The following PCDH15 variants were observed in gnomAD, a reference collection of about 807,000 sequenced individuals.
PCDH15 encodes protocadherin related 15, also known as protocadherin-15.
Under a neutral mutation model 178.5 loss-of-function variants are expected in PCDH15, and 129 were observed. The ratio of observed to expected loss-of-function variants is 0.72; its 90% CI spans 0.63 to 0.84. The LOEUF (loss-of-function observed/expected upper bound fraction) is 0.84, where lower values mean the gene tolerates loss of function less well. Among genes scored for constraint, PCDH15 ranks in the 40% least tolerant of loss-of-function variants. The probability of loss-of-function intolerance (pLI) is 0.00; values close to 1 mark genes in which losing one functional copy is unlikely to be tolerated. For synonymous variants in PCDH15, 800 were observed against 732.0 expected (o/e 1.09, Z -1.50); for missense variants, 2,230 against 2,099.9 (o/e 1.06, Z -1.21).
At chr10:54,554,108 T>C (rs994432147) in intron 2 of PCDH15, among the ~76,000 whole-genome samples, 3 of 152,150 alleles carry the variant, frequency 2.0e-5, no homozygotes, top group African/African-American at 4.8e-5. Flanking sequence ...AAAATTCCTA[T>C]TACAATGTGA....
Position 55,376,790 on chromosome 10 carries a change from G to T in PCDH15, c.-155-210139C>A, listed in dbSNP as rs533785173. Reference sequence around the variant, plus strand: ...TAACTCTGAAATATGTAGATCCTTTGTGAAAATGGTTTAACTATTTCAGAT... The same window carrying T: ...TAACTCTGAAATATGTAGATCCTTTTTGAAAATGGTTTAACTATTTCAGAT... On this transcript the variant is annotated intron_variant, in intron 2 of 5. Coordinates refer to the PCDH15 transcript ENST00000613346. Among the ~76,000 whole-genome samples, 37 of 152,024 alleles carry T rather than the reference G, an allele frequency of 2.4e-4. 1 individual carries two copies. The highest frequency in any genetic ancestry group is 8.4e-4 in the African/African-American group (35 of 41,502).
chr10:54,049,756 C>A (rs1447155251), intron 18 of PCDH15, among the ~76,000 whole-genome samples: 2 of 151,726 alleles, frequency 1.3e-5, no homozygotes, highest in Non-Finnish European at 2.9e-5. Flanking sequence ...AAGTAGCTTG[C>A]ACTACAAGCA....
At chr10:54,953,368 T>C (rs1343951086) in intron 2 of PCDH15, among the ~76,000 whole-genome samples, 1 of 151,458 alleles carries the variant, frequency 6.6e-6, no homozygotes, top group African/African-American at 2.4e-5. Context: ...ATGAAATAAA[T>C]CCCACTTTGC....
chr10:54,318,830 CTT>C (rs957552988), intron 7 of PCDH15, among the ~76,000 whole-genome samples: 1 of 152,158 alleles, frequency 6.6e-6, no homozygotes, highest in Non-Finnish European at 1.5e-5. Flanking sequence ...ATTAATATGA[CTT>C]ATCACTGTTG....
chr10:54,456,172 A>G (rs2076808295), intron 3 of PCDH15, among the ~76,000 whole-genome samples: 1 of 152,094 alleles, frequency 6.6e-6, no homozygotes. Context: ...AGACCCCACA[A>G]TGGTAGATCC....
chr10:55,412,272 T>A (rs1444367730), intron 2 of PCDH15, among the ~76,000 whole-genome samples: 1 of 152,032 alleles, frequency 6.6e-6, no homozygotes, highest in South Asian at 2.1e-4. Flanking sequence ...AATTAATAAT[T>A]TTTTAGAAAT....
At chr10:54,354,478 G>A (rs1056395902) in intron 5 of PCDH15, among the ~76,000 whole-genome samples, 1 of 152,062 alleles carries the variant, frequency 6.6e-6, no homozygotes, top group African/African-American at 2.4e-5. Flanking sequence ...CCCATCCTAT[G>A]GAAGAGAAAA....
intron 3 of PCDH15, among the ~76,000 whole-genome samples, chr10:54,521,417 A>G (rs180847184): frequency 1.3e-5 from 2 of 152,308 alleles, no homozygotes; most frequent in Admixed American, 1.3e-4. Context: ...CCGAAGTATT[A>G]AGATAAAACC....
At chr10:54,172,365 C>T (rs552377269) in intron 13 of PCDH15, among the ~76,000 whole-genome samples, 21 of 152,104 alleles carry the variant, frequency 1.4e-4, no homozygotes, top group African/African-American at 4.8e-4. Flanking sequence ...CTTTACCTAC[C>T]CAAATCCTAT....
intron 2 of PCDH15, among the ~76,000 whole-genome samples, chr10:54,570,409 C>T (rs2089646716): frequency 6.6e-6 from 1 of 152,048 alleles, no homozygotes; most frequent in Non-Finnish European, 1.5e-5. Flanking sequence ...CTTTTGCTTA[C>T]TCATTTTTAA....
intron 27 of PCDH15, among the ~76,000 whole-genome samples, chr10:53,860,778 A>T (rs1589134247): frequency 6.6e-6 from 1 of 151,708 alleles, no homozygotes; most frequent in Non-Finnish European, 1.5e-5. Flanking sequence ...TGACTGAAAT[A>T]GTAGGAGCTA....
chr10:55,479,560 T>C (rs993524119), intron 2 of PCDH15, among the ~76,000 whole-genome samples: 6 of 151,644 alleles, frequency 4.0e-5, no homozygotes, highest in African/African-American at 1.5e-4. Context: ...ACTAACATTA[T>C]ACCGAATGAG....
chr10:54,720,419 C>T (rs1168850574), intron 1 of PCDH15, among the ~76,000 whole-genome samples: 2 of 151,792 alleles, frequency 1.3e-5, no homozygotes, highest in African/African-American at 4.8e-5. Context: ...AGAGAAGCAT[C>T]TAATCACCTA....
intron 17 of PCDH15, among the ~76,000 whole-genome samples, chr10:54,071,934 A>G (rs1424321020): frequency 1.3e-5 from 2 of 152,274 alleles, no homozygotes; most frequent in East Asian, 3.9e-4. Context: ...GTTTACTAAT[A>G]GAACACACAA....
intron 1 of PCDH15, among the ~76,000 whole-genome samples, chr10:55,194,606 T>G (rs2132150394): frequency 6.6e-6 from 1 of 152,188 alleles, no homozygotes; most frequent in Admixed American, 6.5e-5. Context: ...TCAAGTAGAT[T>G]ATCATTTTAT....
intron 15 of PCDH15, among the ~76,000 whole-genome samples, chr10:54,118,927 G>C (rs2095166416): frequency 6.6e-6 from 1 of 152,058 alleles, no homozygotes; most frequent in Non-Finnish European, 1.5e-5. Context: ...AGATCCTGGA[G>C]AGGAAAACAC....
intron 3 of PCDH15, among the ~76,000 whole-genome samples, chr10:54,896,264 T>C (rs1954544035): frequency 6.6e-6 from 1 of 152,198 alleles, no homozygotes; most frequent in Admixed American, 6.6e-5. Flanking sequence ...TATTTTACTA[T>C]AGTCAATTAG....
At chr10:55,543,281 T>C (rs1162216030) in intron 2 of PCDH15, among the ~76,000 whole-genome samples, 2 of 149,410 alleles carry the variant, frequency 1.3e-5, no homozygotes, top group African/African-American at 2.5e-5. Flanking sequence ...CACAAATTCA[T>C]GCTTAGTAAA....
At chr10:54,055,638 A>C (rs1307210920) in intron 18 of PCDH15, among the ~76,000 whole-genome samples, 1 of 152,174 alleles carries the variant, frequency 6.6e-6, no homozygotes, top group Non-Finnish European at 1.5e-5. Context: ...CTCTGATATT[A>C]GCTGAAAGCC....
Sources: gnomAD v4.1 joint callset for allele counts (sites outside exome capture counted in the v4.1 genomes callset) on GRCh38, gnomAD v4.1.1 for gene constraint, MANE v1.5 for transcripts, NCBI Gene and HGNC (gene_info 2026-07-23, HGNC 2026-07-21) for gene names.